The following ADGRL2 variants were observed in gnomAD, a reference collection of about 807,000 sequenced individuals.
ADGRL2 encodes the protein calcium-independent alpha-latrotoxin receptor 2.
ADGRL2 carries 44 observed loss-of-function variants against 157.4 expected under a neutral mutation model. The ratio of observed to expected loss-of-function variants is 0.28; its 90% CI spans 0.22 to 0.36. The LOEUF (loss-of-function observed/expected upper bound fraction) is 0.36, where lower values mean the gene tolerates loss of function less well. Among genes scored for constraint, ADGRL2 ranks in the 10% least tolerant of loss-of-function variants. The probability of loss-of-function intolerance (pLI) is 1.00; values close to 1 mark genes in which losing one functional copy is unlikely to be tolerated. For missense variants in ADGRL2, 1,510 were observed against 1,768.9 expected, an observed-to-expected ratio of 0.85 and a Z score of 2.63; for synonymous variants, 585 against 624.7, an observed-to-expected ratio of 0.94 and a Z score of 0.95.
chr1:81,523,448 G>C (rs1457968151), intron 2 of ADGRL2, among the ~76,000 whole-genome samples: 1 of 151,462 alleles, frequency 6.6e-6, no homozygotes, highest in African/African-American at 2.4e-5. Context: ...GAGAAGGAAG[G>C]AGAGAGATAG....
At chr1:81,466,837 A>C (rs923865036) in intron 2 of ADGRL2, among the ~76,000 whole-genome samples, 2 of 152,168 alleles carry the variant, frequency 1.3e-5, no homozygotes, top group Non-Finnish European at 2.9e-5. Context: ...GTTTCTTTGG[A>C]AAGTTAAAAG....
intron 1 of ADGRL2, among the ~76,000 whole-genome samples, chr1:81,405,454 G>T (rs937672075): frequency 2.6e-5 from 4 of 152,086 alleles, no homozygotes; most frequent in Middle Eastern, 3.4e-3. Flanking sequence ...GATTGCGTGA[G>T]CCCAGGAGTT....
At chr1:81,399,926 T>C (rs2076722232) in intron 1 of ADGRL2, among the ~76,000 whole-genome samples, 1 of 151,914 alleles carries the variant, frequency 6.6e-6, no homozygotes, top group African/African-American at 2.4e-5. Flanking sequence ...TTCCACACTT[T>C]CTACAGCAGC....
intron 3 of ADGRL2, among the ~76,000 whole-genome samples, chr1:81,930,961 G>A (rs1290987562): frequency 1.3e-5 from 2 of 152,006 alleles, no homozygotes; most frequent in Admixed American, 1.3e-4. Context: ...ATGAGACCTC[G>A]TCTCTACTGG....
At chr1:81,857,333 A>G (rs986202764) in intron 2 of ADGRL2, among the ~76,000 whole-genome samples, 1 of 152,216 alleles carries the variant, frequency 6.6e-6, no homozygotes, top group Non-Finnish European at 1.5e-5. Flanking sequence ...TTAATCATGC[A>G]TAATTTTAGC....
At chr1:81,864,070 A>C (rs2093464363) in intron 2 of ADGRL2, among the ~76,000 whole-genome samples, 1 of 152,204 alleles carries the variant, frequency 6.6e-6, no homozygotes, top group African/African-American at 2.4e-5. Flanking sequence ...AACCACGTTA[A>C]AATTTTAGCA....
intron 1 of ADGRL2, among the ~76,000 whole-genome samples, chr1:81,415,484 GA>G (rs2101479531): frequency 6.6e-6 from 1 of 152,292 alleles, no homozygotes; most frequent in African/African-American, 2.4e-5. Flanking sequence ...GTGGGGAAGA[GA>G]GGGGTCCCTA....
At chr1:81,685,189 C>T (rs199721641) in intron 3 of ADGRL2, among the ~76,000 whole-genome samples, 1 of 152,038 alleles carries the variant, frequency 6.6e-6, no homozygotes, top group East Asian at 1.9e-4. Context: ...GTGGTATTCT[C>T]ATGGGGATTG....
At chr1:81,816,470 G>A (rs1008752023) in intron 1 of ADGRL2, among the ~76,000 whole-genome samples, 21 of 151,754 alleles carry the variant, frequency 1.4e-4, no homozygotes, top group Admixed American at 5.2e-4. Context: ...ACTCATTTCT[G>A]AATGGATGGT....
At chr1:81,558,009 C>T (rs969040883) in intron 2 of ADGRL2, among the ~76,000 whole-genome samples, 3 of 152,294 alleles carry the variant, frequency 2.0e-5, no homozygotes, top group South Asian at 2.1e-4. Flanking sequence ...ATGAAATCGC[C>T]TGTTGAATGT....
At chr1:81,369,894 C>G (rs1466027368) in intron 1 of ADGRL2, among the ~76,000 whole-genome samples, 5 of 152,112 alleles carry the variant, frequency 3.3e-5, no homozygotes, top group Non-Finnish European at 4.4e-5. Flanking sequence ...CTTTTTGGAA[C>G]TGAGGTACTG....
At chr1:81,866,166 T>C (rs1171683536) in intron 2 of ADGRL2, among the ~76,000 whole-genome samples, 1 of 152,186 alleles carries the variant, frequency 6.6e-6, no homozygotes, top group Non-Finnish European at 1.5e-5. Context: ...ACATGTTACA[T>C]TTTTTCTTGC....
intron 2 of ADGRL2, among the ~76,000 whole-genome samples, chr1:81,868,253 G>A (rs978163564): frequency 1.8e-4 from 28 of 152,036 alleles, no homozygotes; most frequent in African/African-American, 6.0e-4. Context: ...AAGATGTTGC[G>A]GAGACATGCA....
chr1:81,736,318 G>A (rs1046236432), intron 1 of ADGRL2, among the ~76,000 whole-genome samples: 7 of 152,130 alleles, frequency 4.6e-5, no homozygotes, highest in Non-Finnish European at 7.4e-5. Context: ...CTTGGAGGCA[G>A]TTATAGAGAA....
chr1:81,312,470 C>T (rs1239611237), intron 1 of ADGRL2, among the ~76,000 whole-genome samples: 1 of 152,200 alleles, frequency 6.6e-6, no homozygotes, highest in African/African-American at 2.4e-5. Context: ...GAAAGCAGAA[C>T]TTTCTTTCCC....
chr1:81,418,233 G>C (rs545517788), intron 1 of ADGRL2, among the ~76,000 whole-genome samples: 68 of 152,222 alleles, frequency 4.5e-4, no homozygotes, highest in African/African-American at 1.5e-3. Context: ...GTTTTAAAAG[G>C]CTAAAAAAAT....
intron 1 of ADGRL2, among the ~76,000 whole-genome samples, chr1:81,714,101 T>A (rs1232163279): frequency 6.6e-6 from 1 of 152,142 alleles, no homozygotes; most frequent in East Asian, 1.9e-4. Context: ...CAGCATGTTA[T>A]AAGCCTCCTC....
At chr1:81,938,764 A>G (rs2095346320) in intron 4 of ADGRL2, among the ~76,000 whole-genome samples, 1 of 151,180 alleles carries the variant, frequency 6.6e-6, no homozygotes, top group Admixed American at 6.6e-5. Flanking sequence ...ATATTAAAAT[A>G]CAATGCAAAG....
intron 3 of ADGRL2, among the ~76,000 whole-genome samples, chr1:81,924,490 C>G (rs1385642018): frequency 6.6e-6 from 1 of 152,052 alleles, no homozygotes; most frequent in East Asian, 1.9e-4. Flanking sequence ...AGTACTGAGC[C>G]ATGCTTATGG....
Sources: gnomAD v4.1 joint callset for allele counts (sites outside exome capture counted in the v4.1 genomes callset) on GRCh38, gnomAD v4.1.1 for gene constraint, MANE v1.5 for transcripts, NCBI Gene and HGNC (gene_info 2026-07-23, HGNC 2026-07-21) for gene names.